The following ABCB8 variants were observed in gnomAD, a reference collection of about 807,000 sequenced individuals.
The protein encoded by ABCB8 is ATP binding cassette subfamily B member 8.
In ABCB8, 52 loss-of-function variants were observed where a neutral mutation model predicts 73.0. That is an observed-to-expected ratio of 0.71 (90% CI 0.57 to 0.90). The LOEUF is 0.90. Among genes scored for constraint, ABCB8 ranks in the 40% least tolerant of loss-of-function variants. ABCB8 has a pLI of 0.00. For missense variants in ABCB8, 909 were observed against 974.6 expected (o/e 0.93, Z 0.90); for synonymous variants, 428 against 423.5 (o/e 1.01, Z -0.13).
At position 151,040,541 on chromosome 7, in the gene ABCB8, TG is replaced by T; in HGVS notation, c.1297del (p.Ala433ProfsTer2). On this transcript the variant is annotated frameshift_variant, in exon 11 of 16. Coordinates refer to ENST00000358849, the MANE Select transcript of ABCB8 (RefSeq NM_007188.5). LOFTEE classifies it high-confidence loss of function. ...LSAGARVFEY[M>X]ALNPCIPLSG... ...GCAGGTGCCCGGGTCTTTGAGTACATGGCCCTGAACCCCTGCATCCCACTGT... is the reference window on the plus strand; with the variant it reads ...GCAGGTGCCCGGGTCTTTGAGTACATGCCCTGAACCCCTGCATCCCACTGT... 1 of 1,613,382 alleles carries T rather than the reference TG, an allele frequency of 6.2e-7. No homozygotes were observed. The highest frequency in any genetic ancestry group is 1.1e-5 in the South Asian group (1 of 91,068).
intron 9 of ABCB8, 154 bp from the exon 10 acceptor site, chr7:151,040,114 C>G (rs900169564): frequency 2.3e-5 from 19 of 820,268 alleles, no homozygotes; most frequent in Non-Finnish European, 3.1e-5. Context: ...GTTGCTACGT[C>G]CCAGGGCTCT....
intron 9 of ABCB8, chr7:151,039,985 GC>G (rs760599407): frequency 5.9e-5 from 26 of 439,442 alleles, no homozygotes; most frequent in Non-Finnish European, 9.8e-5. Context: ...ACCCACAGAG[GC>G]CTGTGCCTTC....
At chr7:151,034,964 A>AC in intron 5 of ABCB8, 135 bp downstream of exon 5, 1 of 741,460 alleles carries the variant, frequency 1.3e-6, no homozygotes, top group Non-Finnish European at 2.2e-6. Flanking sequence ...ACTGCCTGTG[A>AC]GGGCATGGGT....
intron 14 of ABCB8, 49 bp downstream of exon 14, chr7:151,042,157 A>C (rs762120429): frequency 6.2e-7 from 1 of 1,602,816 alleles, no homozygotes; most frequent in South Asian, 1.1e-5. Flanking sequence ...ACTGGGACAC[A>C]GGATTCCACA....
In ABCB8 at chr7:151,040,223, C is replaced by T. The variant is rs934379324; in HGVS notation, c.1218-45C>T. ...GTGGCTTCCTTCCCCTCCTCTGGCTCTTCTTGTTCCCATCTATTCCACCCC... is the reference window on the plus strand; with the variant it reads ...GTGGCTTCCTTCCCCTCCTCTGGCTTTTCTTGTTCCCATCTATTCCACCCC... On this transcript the variant is annotated intron_variant, in intron 9 of 15. Coordinates refer to ENST00000358849, the MANE Select transcript of ABCB8 (RefSeq NM_007188.5). The T allele has an allele frequency of 4.4e-6, 7 of 1,602,708 alleles. No homozygotes were observed. In the African/African-American group the frequency reaches 5.4e-5, roughly 12 times the overall value.
rs149265138 is a variant in ABCB8 at position 151,033,782 on chromosome 7, C to T, written c.273C>T (p.Cys91=). Residue 91 remains cysteine, a synonymous_variant, in exon 2 of 16, where the codon TGC becomes TGT. Transcript: ENST00000358849. ...PMVLSKHPHL[C]LVALCEAEEA... ...TACTGAGTAAGCATCCCCACCTCTG[C>T]CTTGTGGCCCTGTGTGAGGCAGAAG... 176 of 1,613,984 alleles carry T rather than the reference C, an allele frequency of 1.1e-4. No homozygotes were observed. Among genetic ancestry groups the T allele is most frequent in the Non-Finnish European group, 1.4e-4 (167 of 1,180,002 alleles).
chr7:151,037,156 T>C, intron 9 of ABCB8: 1 of 702,918 alleles, frequency 1.4e-6, no homozygotes, highest in South Asian at 1.5e-5. Context: ...TCCTTATGAT[T>C]TGACAACTCT....
intron 8 of ABCB8, 128 bp from the exon 9 acceptor site, chr7:151,036,416 G>A (rs1055853013): frequency 4.4e-5 from 43 of 976,348 alleles, no homozygotes; most frequent in Admixed American, 7.4e-5. Context: ...TTGCTCTTCC[G>A]AGGAGGAAGC....
intron 9 of ABCB8, 158 bp downstream of exon 9, chr7:151,036,807 A>C (rs1283970837): frequency 1.3e-6 from 1 of 774,542 alleles, no homozygotes. Context: ...GGGGAGAGAG[A>C]GCCCCTCAGG....
chr7:151,034,197 G>T, intron 2 of ABCB8, 76 bp from the exon 3 acceptor site: 11 of 1,500,104 alleles, frequency 7.3e-6, no homozygotes, highest in Non-Finnish European at 9.0e-6. Flanking sequence ...GAGAGGAAGG[G>T]CCAAGATCTG....
At chr7:151,031,823 A>C (rs1318499795) in intron 1 of ABCB8, among the ~76,000 whole-genome samples, 1 of 152,076 alleles carries the variant, frequency 6.6e-6, no homozygotes, top group African/African-American at 2.4e-5. Context: ...AGGTTTCAAC[A>C]TGTTGATCTA....
intron 9 of ABCB8, chr7:151,039,683 C>T (rs990864858): frequency 6.6e-6 from 1 of 152,358 alleles, no homozygotes; most frequent in Non-Finnish European, 1.5e-5. Flanking sequence ...GAGAGTTCCC[C>T]TGTGGCCCAG....
Position 151,037,178 on chromosome 7 carries a change from C to CT in ABCB8, c.1217+530dup, listed in dbSNP as rs765396839. The CT allele has an allele frequency of 4.3e-6, 3 of 703,032 alleles. No individual in the cohort carries two copies. In the South Asian group the frequency reaches 4.4e-5, roughly 10 times the overall value. The allele number at this position is 703,032 out of a possible 1,614,324, so 43.5% of individuals were successfully genotyped here. On this transcript the variant is annotated intron_variant, in intron 9 of 15. Coordinates refer to ENST00000358849, the MANE Select transcript of ABCB8 (RefSeq NM_007188.5). ...GATTTGACAACTCTAGGGACGTCCTCTAAGTGGAGTCAGACTATGTCCTTT... is the reference window on the plus strand; with the variant it reads ...GATTTGACAACTCTAGGGACGTCCTCTTAAGTGGAGTCAGACTATGTCCTTT...
rs1184325035 is a variant in ABCB8, at chr7:151,032,951, T to C, written c.96-654T>C. 39 of 453,100 alleles carry C rather than the reference T, an allele frequency of 8.6e-5. 1 individual carries two copies. In the East Asian group the frequency reaches 2.7e-3, roughly 32 times the overall value. 28.1% of individuals were successfully genotyped at this position (453,100 alleles called of 1,614,324 possible). A position where few individuals can be genotyped will look rare whatever the true frequency, so the allele number is the denominator to read the frequency against. On this transcript the variant is annotated intron_variant, in intron 1 of 15. Transcript: ENST00000358849. ...GCACACTGGCAGAGTAGAGCCAGCCTGGGTGCTGGAGTCAGACTGCAGACT... is the reference window on the plus strand; with the variant it reads ...GCACACTGGCAGAGTAGAGCCAGCCCGGGTGCTGGAGTCAGACTGCAGACT...
chr7:151,030,709 G>C (rs1416470552), intron 1 of ABCB8, among the ~76,000 whole-genome samples: 3 of 152,124 alleles, frequency 2.0e-5, no homozygotes, highest in African/African-American at 7.2e-5. Flanking sequence ...AGGGGCCGGG[G>C]CAGGCAGATC....
In ABCB8 at chr7:151,040,535, A is replaced by C. The variant is rs1796428160; in HGVS notation, c.1289A>C (p.Glu430Ala). The change falls in exon 11 of 16, where the codon GAG becomes GCG. Residue 430 changes from glutamate to alanine, a missense_variant. Transcript: ENST00000358849. Reference sequence around the variant, plus strand: ...CTGAGTGCAGGTGCCCGGGTCTTTGAGTACATGGCCCTGAACCCCTGCATC... The same window carrying C: ...CTGAGTGCAGGTGCCCGGGTCTTTGCGTACATGGCCCTGAACCCCTGCATC... ...RGLSAGARVFEYMALNPCIPL... is the reference protein window; with the variant it reads ...RGLSAGARVFAYMALNPCIPL... 1.2e-5 allele frequency: 20 copies of C among 1,613,028 alleles called. No individual in the cohort carries two copies. The highest frequency in any genetic ancestry group is 1.7e-5 in the Non-Finnish European group (20 of 1,179,628).
At chr7:151,040,447 G>T in intron 10 of ABCB8, 51 bp from the exon 11 acceptor site, 1 of 1,584,562 alleles carries the variant, frequency 6.3e-7, no homozygotes, top group Non-Finnish European at 8.6e-7. Context: ...TGGAGATGCT[G>T]TTGTCACCCC....
rs748649407 is a variant in ABCB8, at chr7:151,040,804, TG to T, written c.1389-19del. ...ACAAGGGCTGGGAGCCTGGTCTGAC[TG>T]GGGGTCTCTCGGCTCCTCCCAGCTA... On this transcript the variant is annotated intron_variant, in intron 11 of 15. Transcript: ENST00000358849. 3.1e-5 allele frequency: 49 copies of T among 1,587,068 alleles called. No individual in the cohort carries two copies. In the East Asian group the frequency reaches 1.1e-3, roughly 37 times the overall value.
intron 9 of ABCB8, 122 bp from the exon 10 acceptor site, chr7:151,040,146 A>G: frequency 2.7e-6 from 3 of 1,111,766 alleles, no homozygotes; most frequent in Non-Finnish European, 4.0e-6. Context: ...GTGCAGGAGC[A>G]GTCTCTGCAT....
Sources: allele counts gnomAD v4.1 joint callset (sites outside exome capture counted in the v4.1 genomes callset), GRCh38; gene constraint gnomAD v4.1.1; transcripts MANE v1.5; gene names NCBI Gene and HGNC (gene_info 2026-07-23, HGNC 2026-07-21).